Variants in AP2B1 observed in about 807,000 individuals in gnomAD.
AP2B1 encodes the protein adaptor related protein complex 2 subunit beta 1, also known as AP-2 complex subunit beta.
Under a neutral mutation model 102.0 loss-of-function variants are expected in AP2B1, and 23 were observed. The observed-to-expected ratio is 0.23, with a 90% CI of 0.16 to 0.32. The LOEUF is 0.32. AP2B1 is among the 10% of genes least tolerant of loss of function. The pLI is 1.00. For missense variants in AP2B1, 541 were observed against 1,157.4 expected (o/e 0.47, Z 7.73); for synonymous variants, 381 against 421.2 (o/e 0.90, Z 1.17).
chr17:35,589,432 A>G (rs1390042024), intron 1 of AP2B1, among the ~76,000 whole-genome samples: 1 of 152,134 alleles, frequency 6.6e-6, no homozygotes, highest in African/African-American at 2.4e-5. Flanking sequence ...TTGAATTAAG[A>G]CCCTATTAAT....
At chr17:35,609,641 C>G (rs2073797895) in intron 5 of AP2B1, among the ~76,000 whole-genome samples, 1 of 152,152 alleles carries the variant, frequency 6.6e-6, no homozygotes, top group Non-Finnish European at 1.5e-5. Flanking sequence ...GCCACCGCAC[C>G]CAGCCTTATT....
At chr17:35,697,868 A>G (rs769869206) in intron 18 of AP2B1, among the ~76,000 whole-genome samples, 1 of 152,184 alleles carries the variant, frequency 6.6e-6, no homozygotes, top group Non-Finnish European at 1.5e-5. Flanking sequence ...AGGCTGAGGC[A>G]GGAAAATCAC....
At chr17:35,657,939 A>G in intron 14 of AP2B1, 148 bp downstream of exon 14, 1 of 646,874 alleles carries the variant, frequency 1.5e-6, no homozygotes, top group South Asian at 2.4e-5. Context: ...TGTCTTTAGT[A>G]AGACAAAATT....
At chr17:35,663,492 T>A (rs1437474955) in intron 14 of AP2B1, among the ~76,000 whole-genome samples, 2 of 152,216 alleles carry the variant, frequency 1.3e-5, no homozygotes, top group African/African-American at 4.8e-5. Context: ...CTTTATACTG[T>A]CCTATGATTT....
chr17:35,682,927 G>T (rs2142993209), intron 18 of AP2B1, 103 bp downstream of exon 18: 2 of 1,166,356 alleles, frequency 1.7e-6, no homozygotes, highest in Middle Eastern at 2.7e-4. Context: ...GCCCAGGCTG[G>T]AGTGTAGTGG....
At chr17:35,689,569 A>G (rs1448649593) in intron 18 of AP2B1, among the ~76,000 whole-genome samples, 1 of 152,166 alleles carries the variant, frequency 6.6e-6, no homozygotes, top group African/African-American at 2.4e-5. Context: ...TATCGAATCA[A>G]TGTTCAGATT....
At chr17:35,610,905 C>A in intron 5 of AP2B1, among the ~76,000 whole-genome samples, 1 of 56,542 alleles carries the variant, frequency 1.8e-5, no homozygotes. Context: ...AGACTCTTGT[C>A]TCAAAAAAAA....
At chr17:35,636,835 A>G (rs560869186) in intron 10 of AP2B1, among the ~76,000 whole-genome samples, 3 of 152,332 alleles carry the variant, frequency 2.0e-5, no homozygotes, top group Admixed American at 6.5e-5. Context: ...CTTCTCAGAA[A>G]TGTATAAGTT....
At chr17:35,673,224 T>TA (rs1057291666) in intron 16 of AP2B1, among the ~76,000 whole-genome samples, 8 of 152,182 alleles carry the variant, frequency 5.3e-5, no homozygotes, top group Non-Finnish European at 1.0e-4. Flanking sequence ...TATTTTATTT[T>TA]TTTTTAGACG....
At chr17:35,607,434 A>G (rs898432153) in intron 4 of AP2B1, among the ~76,000 whole-genome samples, 7 of 152,204 alleles carry the variant, frequency 4.6e-5, no homozygotes, top group African/African-American at 1.7e-4. Context: ...GGAATATATC[A>G]TTGGGAAGAA....
chr17:35,686,404 T>C (rs2075932034), intron 18 of AP2B1, among the ~76,000 whole-genome samples: 1 of 152,228 alleles, frequency 6.6e-6, no homozygotes, highest in Non-Finnish European at 1.5e-5. Flanking sequence ...TTAGTTGTGC[T>C]TAGAAACATT....
intron 5 of AP2B1, among the ~76,000 whole-genome samples, chr17:35,618,009 T>C (rs148945769): frequency 1.0e-3 from 155 of 152,328 alleles, no homozygotes; most frequent in African/African-American, 3.4e-3. Context: ...TCAGACTTTC[T>C]TTTCATAATG....
At chr17:35,633,730 A>G (rs1284564630) in intron 9 of AP2B1, among the ~76,000 whole-genome samples, 1 of 152,196 alleles carries the variant, frequency 6.6e-6, no homozygotes, top group Non-Finnish European at 1.5e-5. Context: ...TAAAAAATAT[A>G]TTGTCACATT....
chr17:35,604,535 A>G (rs1297383527), intron 3 of AP2B1, among the ~76,000 whole-genome samples: 1 of 150,242 alleles, frequency 6.7e-6, no homozygotes, highest in Non-Finnish European at 1.5e-5. Context: ...AGGCAGGTGG[A>G]TCACCTGAGG....
chr17:35,594,425 CAA>C (rs1469339747), intron 2 of AP2B1, among the ~76,000 whole-genome samples: 1 of 152,108 alleles, frequency 6.6e-6, no homozygotes, highest in Admixed American at 6.5e-5. Flanking sequence ...CATTTTATAA[CAA>C]AGAATACAAT....
chr17:35,711,179 T>C (rs2076439825), intron 20 of AP2B1, among the ~76,000 whole-genome samples: 2 of 152,138 alleles, frequency 1.3e-5, no homozygotes, highest in Admixed American at 6.5e-5. Flanking sequence ...TGCTCTCTCT[T>C]TCTCTTTAGA....
In AP2B1 at chr17:35,657,633, A is replaced by G. The variant is rs762331462; in HGVS notation, c.1831A>G (p.Thr611Ala). The change falls in exon 14 of 22, where the codon ACT becomes GCT. Residue 611 changes from threonine to alanine, a missense_variant. Around this residue, in one of 10 missense-constraint regions of AP2B1, gnomAD observed 39 missense variants for 42.0 expected, o/e 0.93. Coordinates refer to ENST00000610402, the MANE Select transcript of AP2B1 (RefSeq NM_001030006.2). The part of the protein sequence containing the change: ...DAGDSPVGTT[T>A]ATNLEQPQVI... The stretch of plus-strand genomic sequence containing the variant: ...AGGTGACAGCCCTGTTGGCACTACC[A>G]CTGCAACGAACCTGGAACAGCCTCA... 33 of 1,613,882 alleles carry G rather than the reference A, an allele frequency of 2.0e-5. No individual in the cohort carries two copies. The Admixed American group carries it at 3.2e-4, about 15-fold the overall frequency.
intron 13 of AP2B1, among the ~76,000 whole-genome samples, chr17:35,653,706 C>G (rs1449753866): frequency 6.6e-6 from 1 of 152,126 alleles, no homozygotes; most frequent in Non-Finnish European, 1.5e-5. Flanking sequence ...GAACTCTTGA[C>G]CTCAGGTAAT....
At chr17:35,674,427 G>T in intron 17 of AP2B1, 106 bp downstream of exon 17, 1 of 1,344,254 alleles carries the variant, frequency 7.4e-7, no homozygotes. Flanking sequence ...TATTGGGCCA[G>T]GTACAGTGGC....
Sources: gnomAD v4.1 joint callset for allele counts (sites outside exome capture counted in the v4.1 genomes callset) on GRCh38, gnomAD v4.1.1 for gene constraint, gnomAD v4.1.1 regional missense constraint, MANE v1.5 for transcripts, NCBI Gene and HGNC (gene_info 2026-07-23, HGNC 2026-07-21) for gene names.